Variants in CD44 observed in about 807,000 individuals in gnomAD.
CD44 encodes the protein CD44 antigen.
Under a neutral mutation model 88.8 loss-of-function variants are expected in CD44, and 49 were observed. The ratio of observed to expected loss-of-function variants is 0.55; its 90% CI spans 0.44 to 0.70. CD44 has a LOEUF of 0.70. Ranked by LOEUF, CD44 falls within the 30% of genes least tolerant of loss-of-function variation. CD44 has a pLI of 0.00. For synonymous variants in CD44, 325 were observed against 312.3 expected, an observed-to-expected ratio of 1.04 and a Z score of -0.43; for missense variants, 883 against 913.8, an observed-to-expected ratio of 0.97 and a Z score of 0.43.
intron 3 of CD44, among the ~76,000 whole-genome samples, chr11:35,185,299 GT>G (rs1385085685): frequency 5.3e-5 from 8 of 152,160 alleles, no homozygotes; most frequent in African/African-American, 1.9e-4. Context: ...TGCAAGAATG[GT>G]GTTTCCTAAA....
At chr11:35,213,412 T>C (rs1948564326) in intron 14 of CD44, among the ~76,000 whole-genome samples, 1 of 152,132 alleles carries the variant, frequency 6.6e-6, no homozygotes, top group Non-Finnish European at 1.5e-5. Context: ...ACTAAAGCAT[T>C]TGTTGAAGCA....
intron 5 of CD44, 144 bp downstream of exon 5, chr11:35,190,209 C>G (rs1050330219): frequency 2.9e-6 from 2 of 690,866 alleles, no homozygotes; most frequent in Non-Finnish European, 5.0e-6. Context: ...GAGGTGGGCT[C>G]TTGTGGTTGT....
intron 5 of CD44, among the ~76,000 whole-genome samples, chr11:35,192,886 C>G (rs1033124428): frequency 6.6e-6 from 1 of 150,840 alleles, no homozygotes; most frequent in Non-Finnish European, 1.5e-5. Flanking sequence ...TCCATTTTTC[C>G]CCCTCATACC....
At chr11:35,201,538 T>C (rs370511801) in intron 8 of CD44, 133 bp from the exon 9 acceptor site, 1 of 1,098,858 alleles carries the variant, frequency 9.1e-7, no homozygotes. Context: ...TCACTCAAAA[T>C]TTTTGAGAGT....
chr11:35,139,554 G>A (rs1379514337), intron 1 of CD44, 184 bp downstream of exon 1: 1 of 770,016 alleles, frequency 1.3e-6, no homozygotes, highest in Non-Finnish European at 2.4e-6. Context: ...TGTGTCTGTG[G>A]AAGCACCATT....
chr11:35,186,054 GA>G (rs11478829), intron 3 of CD44, among the ~76,000 whole-genome samples: 84,437 of 150,078 alleles, frequency 0.56, 24,494 homozygotes, highest in African/African-American at 0.71. Flanking sequence ...GAGAACAAGA[GA>G]AAAAAAAAAC....
At chr11:35,198,276 T>C (rs1411805896) in intron 7 of CD44, 30 bp downstream of exon 7, 2 of 1,607,176 alleles carry the variant, frequency 1.2e-6, no homozygotes, top group South Asian at 2.2e-5. Context: ...GTACAGCCAT[T>C]TATGCAAGGC....
intron 17 of CD44, among the ~76,000 whole-genome samples, chr11:35,224,393 G>T (rs544724140): frequency 5.2e-4 from 79 of 152,288 alleles, no homozygotes; most frequent in Non-Finnish European, 9.1e-4. Flanking sequence ...TTAGGAGTCA[G>T]TTGGGTTGAT....
intron 1 of CD44, among the ~76,000 whole-genome samples, chr11:35,148,020 G>T (rs2133100712): frequency 6.6e-6 from 1 of 152,132 alleles, no homozygotes; most frequent in South Asian, 2.1e-4. Flanking sequence ...GAACCCGGGA[G>T]GCAGAGGTTG....
chr11:35,219,008 G>T, intron 15 of CD44: 1 of 317,618 alleles, frequency 3.1e-6, no homozygotes, highest in Non-Finnish European at 6.0e-6. Context: ...TAGTTAGCAA[G>T]GGACAGCGGT....
chr11:35,177,273 A>G (rs1213711288), intron 2 of CD44, among the ~76,000 whole-genome samples: 3 of 152,200 alleles, frequency 2.0e-5, no homozygotes, highest in Non-Finnish European at 4.4e-5. Context: ...ATTAAGATAT[A>G]TTATTTTTGG....
chr11:35,167,032 G>A (rs2133446439), intron 1 of CD44, among the ~76,000 whole-genome samples: 1 of 152,336 alleles, frequency 6.6e-6, no homozygotes, highest in South Asian at 2.1e-4. Context: ...GGCCTGGGGG[G>A]CAGCAGAGGG....
At chr11:35,182,472 T>C (rs1945246030) in intron 3 of CD44, among the ~76,000 whole-genome samples, 2 of 152,170 alleles carry the variant, frequency 1.3e-5, no homozygotes, top group Non-Finnish European at 1.5e-5. Context: ...CCCTGTTATA[T>C]GAGTGAAGAA....
At chr11:35,219,561 A>G (rs910491432) in intron 16 of CD44, among the ~76,000 whole-genome samples, 174 bp downstream of exon 16, 3 of 152,358 alleles carry the variant, frequency 2.0e-5, no homozygotes, top group Admixed American at 6.5e-5. Context: ...CCCTCTTGGT[A>G]GGAAAAGATG....
chr11:35,165,062 T>A (rs893202277), intron 1 of CD44, among the ~76,000 whole-genome samples: 4 of 152,124 alleles, frequency 2.6e-5, no homozygotes, highest in Admixed American at 6.6e-5. Context: ...GCCAGAACAA[T>A]TGATGGGGTA....
chr11:35,222,910 C>T (rs12804343), intron 17 of CD44: 22,380 of 985,298 alleles, frequency 0.023, 299 homozygotes, highest in Non-Finnish European at 0.026. Context: ...TGGGAGAAGA[C>T]CTAGAGAGAA....
intron 1 of CD44, among the ~76,000 whole-genome samples, chr11:35,160,048 A>G (rs911390410): frequency 2.0e-5 from 3 of 152,132 alleles, no homozygotes; most frequent in African/African-American, 4.8e-5. Flanking sequence ...CCCAGGGGCA[A>G]TGGGGCCTCC....
intron 17 of CD44, among the ~76,000 whole-genome samples, chr11:35,223,496 C>T (rs1266619243): frequency 6.6e-6 from 1 of 152,136 alleles, no homozygotes; most frequent in South Asian, 2.1e-4. Flanking sequence ...GGAGTCCATA[C>T]ATTGGGGCTG....
At chr11:35,224,630 G>A (rs1013924981) in intron 17 of CD44, among the ~76,000 whole-genome samples, 3 of 152,222 alleles carry the variant, frequency 2.0e-5, no homozygotes, top group South Asian at 2.1e-4. Flanking sequence ...TCAGCTGCTC[G>A]GGAGGTTGAG....
Sources: allele counts gnomAD v4.1 joint callset (sites outside exome capture counted in the v4.1 genomes callset), GRCh38; gene constraint gnomAD v4.1.1; transcripts MANE v1.5; gene names NCBI Gene and HGNC (gene_info 2026-07-23, HGNC 2026-07-21).